PCDHGB2: variants seen among roughly 807,000 people sequenced by gnomAD.
PCDHGB2 encodes the protein protocadherin gamma-B2.
A neutral mutation model predicts 59.3 loss-of-function variants in PCDHGB2; 55 were observed. That is an observed-to-expected ratio of 0.93 (90% CI 0.75 to 1.16). The LOEUF is 1.16. Ranked by LOEUF, PCDHGB2 falls within the 50% of genes most tolerant of loss-of-function variation. The pLI is 0.00. For synonymous variants in PCDHGB2, 516 were observed against 512.0 expected (o/e 1.01, Z -0.11); for missense variants, 1,228 against 1,198.5 (o/e 1.02, Z -0.36).
intron 1 of PCDHGB2, chr5:141,413,678 T>G (rs201325660): frequency 5.6e-6 from 9 of 1,613,632 alleles, no homozygotes; most frequent in Non-Finnish European, 7.6e-6. Flanking sequence ...GATGTGGGCG[T>G]GAACTCCCTG....
intron 1 of PCDHGB2, chr5:141,400,290 C>G (rs1455484413): frequency 3.1e-6 from 5 of 1,613,972 alleles, no homozygotes; most frequent in Non-Finnish European, 3.4e-6. Context: ...CCGCCTGGAG[C>G]TGCTTCCAAC....
chr5:141,481,781 G>A (rs957054361), intron 1 of PCDHGB2, among the ~76,000 whole-genome samples: 3 of 151,998 alleles, frequency 2.0e-5, no homozygotes, highest in Admixed American at 6.6e-5. Context: ...GTGAAACCCC[G>A]TCTCTACTAA....
chr5:141,432,093 C>A lies in PCDHGB2; in HGVS notation c.2422-62714C>A. The A allele has an allele frequency of 1.2e-6, 2 of 1,614,170 alleles. No homozygotes were observed. Among genetic ancestry groups the A allele is most frequent in the Non-Finnish European group, 1.7e-6 (2 of 1,180,046 alleles). On this transcript the variant is annotated intron_variant, in intron 1 of 3. Coordinates refer to ENST00000522605, the MANE Select transcript of PCDHGB2 (RefSeq NM_018923.3). The surrounding 1 kb of genome is among the most constrained non-coding windows in gnomAD (Gnocchi z 6.0). ...CATATCTCGCTGAACGTGGCAGACA[C>A]CAACGACAACCCGCCGGTCTTCCCT...
intron 1 of PCDHGB2, chr5:141,433,307 C>T (rs982853368): frequency 2.2e-6 from 2 of 913,640 alleles, no homozygotes; most frequent in Admixed American, 2.7e-5. Context: ...AATTATCCCA[C>T]CTTTGCCTCC....
chr5:141,376,310 G>C, intron 1 of PCDHGB2: 1 of 1,613,946 alleles, frequency 6.2e-7, no homozygotes. Flanking sequence ...CTTTGTGGGC[G>C]TGGAAGGGGT....
At chr5:141,497,677 C>T in intron 2 of PCDHGB2, among the ~76,000 whole-genome samples, 1 of 151,836 alleles carries the variant, frequency 6.6e-6, no homozygotes, top group East Asian at 1.9e-4. Context: ...GTAGCTGGGA[C>T]AGCAGGTGTG....
intron 1 of PCDHGB2, among the ~76,000 whole-genome samples, chr5:141,454,065 G>A (rs1167102666): frequency 1.3e-5 from 2 of 152,204 alleles, no homozygotes; most frequent in Non-Finnish European, 2.9e-5. Flanking sequence ...AGAAACAAAA[G>A]TGATAATGTT....
chr5:141,441,884 C>A (rs2098281796), intron 1 of PCDHGB2: 10 of 343,702 alleles, frequency 2.9e-5, no homozygotes, highest in South Asian at 2.6e-4. Context: ...TACCTGGTCA[C>A]CAAGGTGGTG....
intron 1 of PCDHGB2, among the ~76,000 whole-genome samples, chr5:141,433,664 C>G (rs1027404017): frequency 6.6e-6 from 1 of 151,966 alleles, no homozygotes; most frequent in South Asian, 2.1e-4. Flanking sequence ...GGAGAAACCC[C>G]GTCTATACTA....
intron 1 of PCDHGB2, chr5:141,384,552 C>T (rs752995629): frequency 3.7e-6 from 6 of 1,614,148 alleles, no homozygotes; most frequent in Admixed American, 3.3e-5. Flanking sequence ...TGAGCCTGTT[C>T]GTGCTGGACC....
rs758172004 is a variant in PCDHGB2, at chr5:141,477,909, C to T, written c.2422-16898C>T. On this transcript the variant is annotated intron_variant, in intron 1 of 3. Transcript: ENST00000522605. This position sits in a 1 kb window ranked among gnomAD's most constrained non-coding sequence, Gnocchi z 4.9. ...GTGTCACGGGTGGTAGGCTGGGACGCGGATGCAGGGCACAATGCCTGGCTC... is the reference window on the plus strand; with the variant it reads ...GTGTCACGGGTGGTAGGCTGGGACGTGGATGCAGGGCACAATGCCTGGCTC... 2 of 1,614,166 alleles carry T rather than the reference C, an allele frequency of 1.2e-6. No individual in the cohort carries two copies. Among genetic ancestry groups the T allele is most frequent in the Admixed American group, 1.7e-5 (1 of 60,016 alleles).
intron 2 of PCDHGB2, among the ~76,000 whole-genome samples, chr5:141,505,177 A>T (rs917485235): frequency 6.6e-6 from 1 of 152,180 alleles, no homozygotes. Context: ...AAAAGAAAAA[A>T]GCATCGGAGG....
chr5:141,457,410 C>G (rs746966828), intron 1 of PCDHGB2, among the ~76,000 whole-genome samples: 1 of 152,182 alleles, frequency 6.6e-6, no homozygotes, highest in Non-Finnish European at 1.5e-5. Context: ...TTTCACATTA[C>G]CCATCCCTTT....
At chr5:141,400,126 G>A (rs1428204829) in intron 1 of PCDHGB2, 2 of 1,613,972 alleles carry the variant, frequency 1.2e-6, no homozygotes, top group East Asian at 2.2e-5. Context: ...CTTGCAGGAG[G>A]TGCTGCCGGA....
rs573785314 is a variant in PCDHGB2 at position 141,435,382 on chromosome 5, C to T, written c.2422-59425C>T. 2.0e-5 allele frequency among the ~76,000 whole-genome samples: 3 copies of T among 152,034 alleles called. No homozygotes were observed. In the East Asian group the frequency reaches 5.8e-4, roughly 29 times the overall value. ...TTTATCACTTAAATATACAATATAC[C>T]GTATTGCCATGACGAAAAATGGTAA... On this transcript the variant is annotated intron_variant, in intron 1 of 3. Transcript: ENST00000522605.
rs778571401 is a variant in PCDHGB2, at chr5:141,371,690, C to T, written c.2421+9134C>T. On this transcript the variant is annotated intron_variant, in intron 1 of 3. Coordinates refer to ENST00000522605, the MANE Select transcript of PCDHGB2 (RefSeq NM_018923.3). ...CTACCGACAAAGGCAATCCACCGCTCTCCTCCAGCAAGACCATCACTCTGC... is the reference window on the plus strand; with the variant it reads ...CTACCGACAAAGGCAATCCACCGCTTTCCTCCAGCAAGACCATCACTCTGC... 14 of 1,614,078 alleles carry T rather than the reference C, an allele frequency of 8.7e-6. No homozygotes were observed. The Admixed American group carries it at 2.3e-4, about 27-fold the overall frequency.
intron 1 of PCDHGB2, among the ~76,000 whole-genome samples, chr5:141,429,660 ATATAT>A (rs1388009014): frequency 1.3e-5 from 2 of 152,336 alleles, no homozygotes; most frequent in African/African-American, 4.8e-5. Flanking sequence ...CCAATTTAAA[ATATAT>A]TATTTTATTT....
At chr5:141,483,361 A>G (rs752805137) in intron 1 of PCDHGB2, among the ~76,000 whole-genome samples, 1 of 152,102 alleles carries the variant, frequency 6.6e-6, no homozygotes, top group South Asian at 2.1e-4. Context: ...TTTGAAAGCT[A>G]TTGCAATATT....
chr5:141,361,561 G>T lies in PCDHGB2; in HGVS notation c.1426G>T (p.Ala476Ser), dbSNP rs1762075666. ...PPGASIAQISASDPDLGPSGQ... is the reference protein window; with the variant it reads ...PPGASIAQISSSDPDLGPSGQ... ...TGGCGCCTCTATCGCTCAAATCAGTGCCTCTGACCCTGACTTGGGCCCCAG... is the reference window on the plus strand; with the variant it reads ...TGGCGCCTCTATCGCTCAAATCAGTTCCTCTGACCCTGACTTGGGCCCCAG... The change falls in exon 1 of 4, where the codon GCC becomes TCC. Residue 476 changes from alanine (A) to serine (S), a missense_variant. By Grantham distance (99) the Ala-to-Ser change is moderately conservative. Coordinates refer to ENST00000522605, the MANE Select transcript of PCDHGB2 (RefSeq NM_018923.3). 1.2e-6 allele frequency: 2 copies of T among 1,614,032 alleles called. No individual in the cohort carries two copies. The highest frequency in any genetic ancestry group is 1.7e-5 in the Admixed American group (1 of 60,030).
Sources: gnomAD v4.1 joint callset for allele counts (sites outside exome capture counted in the v4.1 genomes callset) on GRCh38, gnomAD v4.1.1 for gene constraint, Gnocchi (gnomAD v3.1) non-coding constraint, MANE v1.5 for transcripts, NCBI Gene and HGNC (gene_info 2026-07-23, HGNC 2026-07-21) for gene names.